KDM2A: variants seen among roughly 807,000 people sequenced by gnomAD.
KDM2A encodes the protein lysine demethylase 2A, also known as lysine-specific demethylase 2A.
A neutral mutation model predicts 137.3 loss-of-function variants in KDM2A; 3 were observed. The ratio of observed to expected loss-of-function variants is 0.02; its 90% CI spans 0.01 to 0.06. The LOEUF (loss-of-function observed/expected upper bound fraction) is 0.06. Among genes scored for constraint, KDM2A ranks in the 10% least tolerant of loss-of-function variants. KDM2A has a pLI of 1.00. For synonymous variants in KDM2A, 512 were observed against 541.5 expected (o/e 0.95, Z 0.76); for missense variants, 738 against 1,510.6 (o/e 0.49, Z 8.48).
At chr11:67,168,776 G>GT (rs1162580068) in intron 2 of KDM2A, among the ~76,000 whole-genome samples, 2 of 152,096 alleles carry the variant, frequency 1.3e-5, no homozygotes. Context: ...AAGCAACAGC[G>GT]TTTTAAAGTT....
At chr11:67,206,661 A>G (rs1857813801) in intron 5 of KDM2A, among the ~76,000 whole-genome samples, 1 of 151,270 alleles carries the variant, frequency 6.6e-6, no homozygotes, top group Admixed American at 6.6e-5. Context: ...GCTTGAACCC[A>G]GGAGGTGGGA....
Position 67,231,573 on chromosome 11 carries a change from G to A in KDM2A, c.1092G>A (p.Glu364=), listed in dbSNP as rs774415318. ...FQKESLSMDL[E]LNGLESGNGD... ...TTTTCTTCATATTGGTAGATTTGGA[G>A]TTAAATGGGTTGGAGTCTGGGAATG... is the stretch of plus-strand genomic sequence containing the variant. Residue 364 remains glutamate (E), a synonymous_variant, in exon 12 of 21, where the codon GAG becomes GAA. Transcript: ENST00000529006. The A allele has an allele frequency of 6.9e-6, 11 of 1,597,522 alleles. No individual in the cohort carries two copies. Among genetic ancestry groups the A allele is most frequent in the Non-Finnish European group, 9.4e-6 (11 of 1,172,140 alleles).
intron 5 of KDM2A, among the ~76,000 whole-genome samples, chr11:67,207,138 T>C (rs1172132245): frequency 6.6e-6 from 1 of 152,220 alleles, no homozygotes; most frequent in African/African-American, 2.4e-5. Context: ...AGAGCTTGAC[T>C]CTAGAGTGAG....
intron 12 of KDM2A, among the ~76,000 whole-genome samples, chr11:67,236,116 C>A (rs1053721159): frequency 1.2e-4 from 18 of 152,016 alleles, no homozygotes; most frequent in African/African-American, 4.1e-4. Context: ...TAGTAGTAGT[C>A]AACTGGAAGA....
chr11:67,132,148 A>G (rs56088284), intron 2 of KDM2A: 7,182 of 152,236 alleles, frequency 0.047, 226 homozygotes, highest in Non-Finnish European at 0.075. Flanking sequence ...CTACTACTAT[A>G]AGGCCTATTC....
At chr11:67,184,737 G>A (rs981559098) in intron 5 of KDM2A, among the ~76,000 whole-genome samples, 1 of 152,122 alleles carries the variant, frequency 6.6e-6, no homozygotes, top group Non-Finnish European at 1.5e-5. Context: ...AATAGGAAGC[G>A]ACTGCATATG....
At chr11:67,243,145 A>G (rs1184822230) in intron 13 of KDM2A, 53 bp downstream of exon 13, 19 of 1,289,638 alleles carry the variant, frequency 1.5e-5, no homozygotes, top group Non-Finnish European at 1.1e-6. Context: ...TTGTTAGTTG[A>G]TCATTACCAT....
intron 2 of KDM2A, among the ~76,000 whole-genome samples, chr11:67,169,733 TTCTC>T (rs71056181): frequency 0.012 from 1,118 of 92,658 alleles, 32 homozygotes; most frequent in African/African-American, 0.036. Context: ...CTCTCTCTCC[TTCTC>T]TCTCTCTCTC....
At chr11:67,193,521 G>A (rs1346521033) in intron 5 of KDM2A, among the ~76,000 whole-genome samples, 1 of 152,166 alleles carries the variant, frequency 6.6e-6, no homozygotes, top group Non-Finnish European at 1.5e-5. Context: ...GCTCAGAAGA[G>A]TCACAGCCAT....
intron 5 of KDM2A, among the ~76,000 whole-genome samples, chr11:67,204,754 G>A (rs1359230987): frequency 1.3e-5 from 2 of 152,212 alleles, no homozygotes; most frequent in Middle Eastern, 3.4e-3. Flanking sequence ...ACCTCCCAAA[G>A]TGCTGGGATT....
intron 2 of KDM2A, among the ~76,000 whole-genome samples, chr11:67,173,259 A>G (rs1046606143): frequency 6.6e-6 from 1 of 152,186 alleles, no homozygotes; most frequent in Non-Finnish European, 1.5e-5. Flanking sequence ...AGTAGCTGGG[A>G]TTCCAGGCAT....
chr11:67,216,058 C>G, intron 8 of KDM2A, 109 bp downstream of exon 8: 1 of 830,488 alleles, frequency 1.2e-6, no homozygotes, highest in Non-Finnish European at 2.1e-6. Flanking sequence ...AGGGAATTGT[C>G]CCCATTCGTA....
intron 4 of KDM2A, 89 bp downstream of exon 4, chr11:67,181,487 A>G: frequency 1.3e-6 from 1 of 771,264 alleles, no homozygotes; most frequent in Non-Finnish European, 2.1e-6. Flanking sequence ...ATAACCCAAA[A>G]CAATAGTAAT....
chr11:67,169,953 TC>T (rs1856842850), intron 2 of KDM2A, among the ~76,000 whole-genome samples: 1 of 152,074 alleles, frequency 6.6e-6, no homozygotes, highest in African/African-American at 2.4e-5. Context: ...AGATGGGGTT[TC>T]ACCATGCTGG....
intron 5 of KDM2A, 104 bp downstream of exon 5, chr11:67,181,996 A>G (rs1310483745): frequency 1.1e-6 from 1 of 915,542 alleles, no homozygotes; most frequent in Non-Finnish European, 1.7e-6. Flanking sequence ...ATTGAAGTAT[A>G]TATTTGATTA....
At chr11:67,134,688 G>T (rs781224845) in intron 2 of KDM2A, among the ~76,000 whole-genome samples, 1 of 151,712 alleles carries the variant, frequency 6.6e-6, no homozygotes, top group Non-Finnish European at 1.5e-5. Context: ...TATTTTTAGT[G>T]GAGACAGGAT....
At chr11:67,234,970 C>A (rs1305567308) in intron 12 of KDM2A, among the ~76,000 whole-genome samples, 1 of 151,654 alleles carries the variant, frequency 6.6e-6, no homozygotes. Context: ...CATGGTGAAA[C>A]CCCGTCTCTA....
chr11:67,130,125 G>T (rs1216745591), intron 2 of KDM2A, among the ~76,000 whole-genome samples: 1 of 129,442 alleles, frequency 7.7e-6, no homozygotes, highest in Non-Finnish European at 1.5e-5. Context: ...ACCCCACCTG[G>T]CTAATTTTTT....
chr11:67,140,522 C>T (rs1469426464), intron 2 of KDM2A, among the ~76,000 whole-genome samples: 2 of 152,000 alleles, frequency 1.3e-5, no homozygotes, highest in East Asian at 1.9e-4. Context: ...GAGGTGGAAG[C>T]GGGTGGATCA....
Sources: allele counts gnomAD v4.1 joint callset (sites outside exome capture counted in the v4.1 genomes callset), GRCh38; gene constraint gnomAD v4.1.1; transcripts MANE v1.5; gene names NCBI Gene and HGNC (gene_info 2026-07-23, HGNC 2026-07-21).